ANKS1A: variants seen among roughly 807,000 people sequenced by gnomAD.
The protein encoded by ANKS1A is ankyrin repeat and sterile alpha motif domain containing 1A.
Under a neutral mutation model 120.3 loss-of-function variants are expected in ANKS1A, and 55 were observed. The ratio of observed to expected loss-of-function variants is 0.46; its 90% CI spans 0.37 to 0.57. The LOEUF is 0.57. Ranked by LOEUF, ANKS1A falls within the 20% of genes least tolerant of loss-of-function variation. The pLI is 0.00. For missense variants in ANKS1A, 1,123 were observed against 1,480.3 expected, an observed-to-expected ratio of 0.76 and a Z score of 3.96; for synonymous variants, 590 against 604.7, an observed-to-expected ratio of 0.98 and a Z score of 0.36.
chr6:34,898,672 T>C (rs1767209484), intron 1 of ANKS1A, among the ~76,000 whole-genome samples: 1 of 152,192 alleles, frequency 6.6e-6, no homozygotes, highest in Admixed American at 6.5e-5. Context: ...TTTTACCACC[T>C]ACAGAAATTA....
downstream of ANKS1A, among the ~76,000 whole-genome samples, chr6:35,095,591 A>G (rs547503950): frequency 8.4e-4 from 89 of 106,360 alleles, no homozygotes; most frequent in African/African-American, 3.8e-3. Flanking sequence ...GACGAAAGAA[A>G]GAGAGAAAGA....
chr6:34,993,875 A>G (rs777223717), intron 9 of ANKS1A, among the ~76,000 whole-genome samples: 1 of 152,240 alleles, frequency 6.6e-6, no homozygotes, highest in Non-Finnish European at 1.5e-5. Context: ...TATGCAGAAC[A>G]CTGTAGGCAT....
At chr6:34,915,348 G>T (rs1025001385) in intron 1 of ANKS1A, among the ~76,000 whole-genome samples, 2 of 152,108 alleles carry the variant, frequency 1.3e-5, no homozygotes, top group Non-Finnish European at 2.9e-5. Context: ...TATAAGCACA[G>T]GTCTGTATTT....
rs1278096295 is a variant in ANKS1A, at chr6:35,017,624, G to A, written c.1575G>A (p.Gln525=). 2 of 1,613,852 alleles carry A rather than the reference G, an allele frequency of 1.2e-6. No homozygotes were observed. The highest frequency in any genetic ancestry group is 3.3e-5 in the Admixed American group (2 of 60,022). The part of the protein sequence containing the change: ...DPFQLLCTAG[Q]SHPDGSPQQG... ...TCCAGCTGCTCTGTACCGCTGGCCAGAGCCATCCAGACGGGTCCCCCCAGC... is the reference window on the plus strand; with the variant it reads ...TCCAGCTGCTCTGTACCGCTGGCCAAAGCCATCCAGACGGGTCCCCCCAGC... Residue 525 remains glutamine, a synonymous_variant, in exon 11 of 24, where the codon CAG becomes CAA. Transcript: ENST00000360359.
intron 1 of ANKS1A, among the ~76,000 whole-genome samples, chr6:34,963,375 T>C (rs1027156387): frequency 3.3e-5 from 5 of 152,192 alleles, no homozygotes; most frequent in South Asian, 2.1e-4. Context: ...TCATACAGTA[T>C]TTGTCTTTTT....
intron 10 of ANKS1A, among the ~76,000 whole-genome samples, chr6:35,001,772 C>T (rs1191945898): frequency 6.6e-6 from 1 of 152,170 alleles, no homozygotes; most frequent in East Asian, 1.9e-4. Flanking sequence ...ACTAGAGTGG[C>T]ACTTGTGCTT....
At chr6:34,949,220 A>G (rs1047012185) in intron 1 of ANKS1A, among the ~76,000 whole-genome samples, 2 of 152,230 alleles carry the variant, frequency 1.3e-5, no homozygotes, top group African/African-American at 4.8e-5. Context: ...TTGAGATTTC[A>G]CAAAGATTAA....
chr6:34,958,126 A>G (rs1291373334), intron 1 of ANKS1A, among the ~76,000 whole-genome samples: 3 of 152,170 alleles, frequency 2.0e-5, no homozygotes, highest in African/African-American at 7.2e-5. Flanking sequence ...ACATCTACAT[A>G]TGGGAGTCAA....
In ANKS1A at chr6:35,032,656, G is replaced by A. The variant is rs1322076680; in HGVS notation, c.2010+14597G>A. Reference sequence around the variant, plus strand: ...ACTTGCTGCGCTTGGGCATAGATAGGTATCTGTTTTTCTTCTTCTTGAGGG... The same window carrying A: ...ACTTGCTGCGCTTGGGCATAGATAGATATCTGTTTTTCTTCTTCTTGAGGG... On this transcript the variant is annotated intron_variant, in intron 11 of 23. Coordinates refer to ENST00000360359, the MANE Select transcript of ANKS1A (RefSeq NM_015245.3). 2.6e-5 allele frequency among the ~76,000 whole-genome samples: 4 copies of A among 152,138 alleles called. No individual in the cohort carries two copies. In the South Asian group the frequency reaches 6.2e-4, roughly 24 times the overall value.
At chr6:34,967,922 C>G (rs1259723488) in intron 2 of ANKS1A, among the ~76,000 whole-genome samples, 1 of 151,680 alleles carries the variant, frequency 6.6e-6, no homozygotes, top group African/African-American at 2.4e-5. Context: ...ACATAATGTT[C>G]TAGGTATGAT....
chr6:34,960,805 A>G (rs1454755313), intron 1 of ANKS1A, among the ~76,000 whole-genome samples: 3 of 152,120 alleles, frequency 2.0e-5, no homozygotes, highest in Admixed American at 2.0e-4. Context: ...TACTTGCTCA[A>G]ACTTCTAGAA....
chr6:35,086,063 C>T lies in ANKS1A; in HGVS notation c.3303+127C>T. 1 of 1,350,026 alleles carries T rather than the reference C, an allele frequency of 7.4e-7. No individual in the cohort carries two copies. The highest frequency in any genetic ancestry group is 1.5e-5 in the South Asian group (1 of 66,484). The allele number at this position is 1,350,026 out of a possible 1,614,324, so 83.6% of individuals were successfully genotyped here. ...GCTGGCCCTCCAGGGAAATGACCCT[C>T]TTAATTGTCCCCCAACCCTGCCAGG... On this transcript the variant is annotated intron_variant, in intron 22 of 23. Coordinates refer to ENST00000360359, the MANE Select transcript of ANKS1A (RefSeq NM_015245.3). The surrounding 1 kb of genome is among the most constrained non-coding windows in gnomAD (Gnocchi z 5.1).
At chr6:34,988,911 A>G (rs1772358277) in intron 8 of ANKS1A, among the ~76,000 whole-genome samples, 1 of 152,206 alleles carries the variant, frequency 6.6e-6, no homozygotes, top group South Asian at 2.1e-4. Flanking sequence ...TTTATGTATC[A>G]GTATTATGAA....
rs1561916703 is a variant in ANKS1A at position 35,018,147 on chromosome 6, C to G, written c.2010+88C>G. On this transcript the variant is annotated intron_variant, in intron 11 of 23. Transcript: ENST00000360359. Reference sequence around the variant, plus strand: ...TCCCGTGAGTGCCAACTCTCAGGCCCAGGATCTGGGCAAGGTTGCTCTGGT... The same window carrying G: ...TCCCGTGAGTGCCAACTCTCAGGCCGAGGATCTGGGCAAGGTTGCTCTGGT... 2 of 1,368,724 alleles carry G rather than the reference C, an allele frequency of 1.5e-6. 1 individual carries two copies. The highest frequency in any genetic ancestry group is 4.6e-5 in the East Asian group (2 of 43,512). 84.8% of individuals were successfully genotyped at this position (1,368,724 alleles called of 1,614,324 possible). A position where few individuals can be genotyped will look rare whatever the true frequency, so the allele number is the denominator to read the frequency against.
At chr6:35,038,975 ATATAT>A (rs1775316790) in intron 11 of ANKS1A, among the ~76,000 whole-genome samples, 1 of 152,008 alleles carries the variant, frequency 6.6e-6, no homozygotes. Flanking sequence ...GCCCATGGTA[ATATAT>A]TATTTAACTC....
At chr6:34,919,563 G>T (rs1277193853) in intron 1 of ANKS1A, among the ~76,000 whole-genome samples, 1 of 152,140 alleles carries the variant, frequency 6.6e-6, no homozygotes, top group Admixed American at 6.5e-5. Flanking sequence ...ATCTTTAACA[G>T]CTTTTGGGCT....
rs1160253002 is a variant in ANKS1A, at chr6:34,985,154, A to G, written c.1085A>G (p.Glu362Gly). Reference protein sequence around the residue: ...DANAEEEGPYEALYNAISCHS... With the variant: ...DANAEEEGPYGALYNAISCHS... ...AATGCTGAAGAAGAGGGTCCCTACG[A>G]AGCTCTGTATAATGCCATCTCCTGC... The change falls in exon 8 of 24, where the codon GAA becomes GGA. Residue 362 changes from glutamate (E) to glycine (G), a missense_variant. Physicochemically the swap from Glu to Gly is moderately conservative, Grantham distance 98 (BLOSUM62 -2). Coordinates refer to ENST00000360359, the MANE Select transcript of ANKS1A (RefSeq NM_015245.3). 6.2e-7 allele frequency: 1 copy of G among 1,614,194 alleles called. No homozygotes were observed. The highest frequency in any genetic ancestry group is 2.2e-5 in the East Asian group (1 of 44,876).
In ANKS1A at chr6:35,081,155, C is replaced by T. The variant is rs770661396; in HGVS notation, c.2706C>T (p.Ile902=). The T allele has an allele frequency of 6.2e-7, 1 of 1,607,716 alleles. No individual in the cohort carries two copies. The highest frequency in any genetic ancestry group is 1.1e-5 in the South Asian group (1 of 90,802). ...CCTCCCGAGCGGAGCGCTTCAGGATCCAGGTGGGGCAGGGGGAGTGGAGGT... is the reference window on the plus strand; with the variant it reads ...CCTCCCGAGCGGAGCGCTTCAGGATTCAGGTGGGGCAGGGGGAGTGGAGGT... ...AAPSRAERFR[I]QEEHREAKLT... The change falls in exon 17 of 24, where the codon ATC becomes ATT. Residue 902 remains isoleucine, a synonymous_variant. Coordinates refer to ENST00000360359, the MANE Select transcript of ANKS1A (RefSeq NM_015245.3).
At chr6:34,966,088 G>A (rs2127507334) in intron 1 of ANKS1A, among the ~76,000 whole-genome samples, 1 of 152,256 alleles carries the variant, frequency 6.6e-6, no homozygotes, top group Middle Eastern at 3.4e-3. Context: ...CAGCTGCCCA[G>A]CTGACCTGTG....
Sources: gnomAD v4.1 joint callset for allele counts (sites outside exome capture counted in the v4.1 genomes callset) on GRCh38, gnomAD v4.1.1 for gene constraint, Gnocchi (gnomAD v3.1) non-coding constraint, MANE v1.5 for transcripts, NCBI Gene and HGNC (gene_info 2026-07-23, HGNC 2026-07-21) for gene names.